NEBL: variants seen among roughly 807,000 people sequenced by gnomAD.
NEBL encodes the protein nebulette.
In NEBL, 122 loss-of-function variants were observed where a neutral mutation model predicts 140.2. That is an observed-to-expected ratio of 0.87 (90% CI 0.75 to 1.01). The LOEUF (loss-of-function observed/expected upper bound fraction) is 1.01. NEBL is among the 50% of genes least tolerant of loss of function. The pLI, the probability that NEBL is intolerant of heterozygous loss-of-function variation, is 0.00. For synonymous variants in NEBL, 436 were observed against 398.9 expected, an observed-to-expected ratio of 1.09 and a Z score of -1.11; for missense variants, 1,365 against 1,231.3, an observed-to-expected ratio of 1.11 and a Z score of -1.62.
chr10:21,275,687 C>T (rs1452432215), intron 1 of NEBL, among the ~76,000 whole-genome samples: 2 of 141,762 alleles, frequency 1.4e-5, no homozygotes, highest in Non-Finnish European at 3.0e-5. Context: ...GTTGCCAAGG[C>T]TGGAGTGCAA....
At chr10:20,866,706 C>T (rs890116321) in intron 7 of NEBL, among the ~76,000 whole-genome samples, 5 of 152,102 alleles carry the variant, frequency 3.3e-5, no homozygotes, top group East Asian at 1.9e-4. Context: ...CTTCTAAGGA[C>T]GCGTCTTTCT....
intron 1 of NEBL, among the ~76,000 whole-genome samples, chr10:21,270,616 C>T (rs1008550933): frequency 2.6e-5 from 4 of 152,152 alleles, no homozygotes; most frequent in Non-Finnish European, 4.4e-5. Context: ...GGTCTGCCCA[C>T]CTTGGCCTCC....
In NEBL at chr10:21,213,644, G is replaced by C. The variant is rs76505970; in HGVS notation, n.348+34277C>G. Among the ~76,000 whole-genome samples the C allele has an allele frequency of 5.3e-3, 810 of 152,300 alleles. 11 individuals are homozygous for C. The highest frequency in any genetic ancestry group is 0.017 in the African/African-American group (716 of 41,570). ...GAGAATGTCCCGAGGCAGGGAACCAGGGCAGGAGAAGGCCTGGGGCGACCT... is the reference window on the plus strand; with the variant it reads ...GAGAATGTCCCGAGGCAGGGAACCACGGCAGGAGAAGGCCTGGGGCGACCT... On this transcript the variant is annotated intron_variant and non_coding_transcript_variant, in intron 3 of 8. Coordinates refer to the NEBL transcript ENST00000675702.
intron 16 of NEBL, among the ~76,000 whole-genome samples, chr10:20,830,003 T>A (rs185609252): frequency 6.6e-6 from 1 of 152,316 alleles, no homozygotes; most frequent in Admixed American, 6.5e-5. Flanking sequence ...TGTTGTTTAA[T>A]GCATTGACTT....
At chr10:21,234,985 G>A (rs1842329215) in intron 3 of NEBL, among the ~76,000 whole-genome samples, 1 of 152,140 alleles carries the variant, frequency 6.6e-6, no homozygotes, top group Non-Finnish European at 1.5e-5. Flanking sequence ...TAGAACAAGA[G>A]CCAGGAAGCA....
chr10:21,120,192 T>C (rs1838470432), intron 2 of NEBL, among the ~76,000 whole-genome samples: 1 of 151,062 alleles, frequency 6.6e-6, no homozygotes, highest in African/African-American at 2.4e-5. Flanking sequence ...CTGGGCAATA[T>C]AGGGAGACCC....
chr10:21,278,326 C>A (rs375684568), intron 1 of NEBL, among the ~76,000 whole-genome samples: 281 of 152,258 alleles, frequency 1.8e-3, no homozygotes, highest in African/African-American at 6.3e-3. Context: ...CACCTATCAT[C>A]CCAGCTACTC....
intron 4 of NEBL, among the ~76,000 whole-genome samples, chr10:20,933,251 T>C: frequency 6.6e-6 from 1 of 152,290 alleles, no homozygotes; most frequent in Admixed American, 6.5e-5. Context: ...ATTTATAAAT[T>C]GTTACCTGTG....
intron 18 of NEBL, among the ~76,000 whole-genome samples, chr10:20,825,285 G>A (rs1193135160): frequency 5.3e-5 from 8 of 152,110 alleles, no homozygotes; most frequent in East Asian, 1.9e-4. Flanking sequence ...AAGGGAAGGT[G>A]CTCTTTCCAA....
intron 8 of NEBL, among the ~76,000 whole-genome samples, chr10:20,859,265 T>C (rs1035457078): frequency 3.9e-5 from 6 of 152,062 alleles, no homozygotes; most frequent in Admixed American, 1.3e-4. Flanking sequence ...TCACAGCATT[T>C]TCACAAGGGA....
intron 4 of NEBL, among the ~76,000 whole-genome samples, chr10:20,931,592 G>A (rs996672591): frequency 1.1e-4 from 17 of 152,192 alleles, no homozygotes; most frequent in South Asian, 2.1e-4. Flanking sequence ...GGCCTCCTGG[G>A]GGAGGCTCCT....
At chr10:21,064,364 A>T (rs1236066198) in intron 2 of NEBL, among the ~76,000 whole-genome samples, 1 of 152,186 alleles carries the variant, frequency 6.6e-6, no homozygotes, top group African/African-American at 2.4e-5. Flanking sequence ...TTATCTAGTG[A>T]GGGTGTTGCC....
At chr10:21,168,917 C>T (rs1393949158) in intron 2 of NEBL, among the ~76,000 whole-genome samples, 1 of 150,206 alleles carries the variant, frequency 6.7e-6, no homozygotes, top group Non-Finnish European at 1.5e-5. Flanking sequence ...GGCTTGGTGG[C>T]GGGCGCCCCT....
chr10:21,185,642 G>A (rs767937529), intron 3 of NEBL, among the ~76,000 whole-genome samples: 11 of 151,744 alleles, frequency 7.2e-5, no homozygotes, highest in Non-Finnish European at 1.5e-4. Flanking sequence ...GGGATTACAG[G>A]CATGCCACCA....
intron 26 of NEBL, among the ~76,000 whole-genome samples, chr10:20,807,614 C>T (rs1264561330): frequency 6.6e-6 from 1 of 152,196 alleles, no homozygotes; most frequent in Non-Finnish European, 1.5e-5. Flanking sequence ...TGGTCATTTC[C>T]TCAGTCACAT....
intron 2 of NEBL, among the ~76,000 whole-genome samples, chr10:21,116,880 C>G (rs1416289027): frequency 6.6e-6 from 1 of 151,988 alleles, no homozygotes; most frequent in Non-Finnish European, 1.5e-5. Flanking sequence ...CTGTATTGTC[C>G]AGACTGGTCA....
intron 4 of NEBL, among the ~76,000 whole-genome samples, chr10:20,940,684 G>A (rs1470180920): frequency 3.5e-5 from 5 of 144,734 alleles, no homozygotes; most frequent in Admixed American, 7.1e-5. Context: ...TTGATAGACT[G>A]CTAGCAAGAC....
chr10:20,972,602 C>T (rs1836624654), intron 3 of NEBL, among the ~76,000 whole-genome samples: 1 of 151,948 alleles, frequency 6.6e-6, no homozygotes, highest in Admixed American at 6.6e-5. Flanking sequence ...AAAAAATTAG[C>T]TGGGCATGGC....
At chr10:20,969,445 T>G (rs181227647) in intron 3 of NEBL, among the ~76,000 whole-genome samples, 1 of 150,334 alleles carries the variant, frequency 6.7e-6, no homozygotes, top group Admixed American at 6.6e-5. Context: ...AATCCAACTT[T>G]ACCAGATTTG....
Sources: allele counts gnomAD v4.1 joint callset (sites outside exome capture counted in the v4.1 genomes callset), GRCh38; gene constraint gnomAD v4.1.1; transcripts MANE v1.5; gene names NCBI Gene and HGNC (gene_info 2026-07-23, HGNC 2026-07-21).